NPTN: variants seen among roughly 807,000 people sequenced by gnomAD.
NPTN encodes the protein neuroplastin, also known as SDR-1.
In NPTN, 5 loss-of-function variants were observed where a neutral mutation model predicts 42.7. That is an observed-to-expected ratio of 0.12 (90% CI 0.06 to 0.25). The LOEUF (loss-of-function observed/expected upper bound fraction) is 0.25, where lower values mean the gene tolerates loss of function less well. Ranked by LOEUF, NPTN falls within the 10% of genes least tolerant of loss-of-function variation. NPTN has a pLI of 1.00. For synonymous variants in NPTN, 180 were observed against 201.9 expected, an observed-to-expected ratio of 0.89 and a Z score of 0.92; for missense variants, 307 against 525.4, an observed-to-expected ratio of 0.58 and a Z score of 4.06.
At chr15:73,582,115 A>G (rs979962847) in intron 4 of NPTN, among the ~76,000 whole-genome samples, 2 of 152,234 alleles carry the variant, frequency 1.3e-5, no homozygotes, top group Non-Finnish European at 2.9e-5. Context: ...CTGGGATTAC[A>G]GGCTCAAGAC....
chr15:73,580,232 G>A (rs1266522657), intron 4 of NPTN, among the ~76,000 whole-genome samples: 1 of 151,016 alleles, frequency 6.6e-6, no homozygotes, highest in Non-Finnish European at 1.5e-5. Flanking sequence ...TACAACATGC[G>A]AGGAGGGAGA....
intron 2 of NPTN, among the ~76,000 whole-genome samples, chr15:73,595,901 C>T (rs899771185): frequency 4.6e-5 from 7 of 152,318 alleles, no homozygotes; most frequent in South Asian, 4.2e-4. Flanking sequence ...ATATGTCTCA[C>T]GCATACCTGC....
At chr15:73,577,519 A>G (rs1307696629) in intron 4 of NPTN, among the ~76,000 whole-genome samples, 1 of 152,200 alleles carries the variant, frequency 6.6e-6, no homozygotes, top group Non-Finnish European at 1.5e-5. Context: ...CTTTGGGAGA[A>G]ACTTATAGTT....
intron 8 of NPTN, 37 bp downstream of exon 8, chr15:73,561,859 T>C (rs1894689802): frequency 1.4e-6 from 2 of 1,408,500 alleles, no homozygotes; most frequent in Admixed American, 1.8e-5. Flanking sequence ...TTCATTTGAA[T>C]ATAATTTTTA....
chr15:73,600,808 T>C (rs1369586353), intron 1 of NPTN, among the ~76,000 whole-genome samples: 3 of 152,160 alleles, frequency 2.0e-5, no homozygotes. Context: ...AGAATGGAGA[T>C]AGAGAAGCAC....
chr15:73,568,441 A>C (rs1895165094), intron 6 of NPTN: 1 of 985,478 alleles, frequency 1.0e-6, no homozygotes, highest in South Asian at 4.7e-5. Context: ...GGGGATAAAA[A>C]GGCCCTTTTC....
chr15:73,609,584 C>T (rs942333483), intron 1 of NPTN, among the ~76,000 whole-genome samples: 11 of 152,048 alleles, frequency 7.2e-5, no homozygotes, highest in Non-Finnish European at 1.5e-4. Context: ...TGAGCCGAGA[C>T]GGCGCCATTG....
At chr15:73,575,934 T>G (rs1178562390) in intron 4 of NPTN, among the ~76,000 whole-genome samples, 1 of 152,228 alleles carries the variant, frequency 6.6e-6, no homozygotes, top group Non-Finnish European at 1.5e-5. Flanking sequence ...TATCTTTTTT[T>G]TTCCAGGCAA....
intron 1 of NPTN, among the ~76,000 whole-genome samples, chr15:73,613,671 G>T (rs118050935): frequency 6.6e-6 from 1 of 151,930 alleles, no homozygotes; most frequent in Non-Finnish European, 1.5e-5. Flanking sequence ...GAAGCTACGC[G>T]GTAACAAAAT....
At chr15:73,614,195 C>T (rs1897742281) in intron 1 of NPTN, among the ~76,000 whole-genome samples, 1 of 151,830 alleles carries the variant, frequency 6.6e-6, no homozygotes. Context: ...TGGTCCACAC[C>T]TGTAGTACTA....
At chr15:73,583,240 T>C (rs1023233959) in intron 4 of NPTN, among the ~76,000 whole-genome samples, 2 of 152,146 alleles carry the variant, frequency 1.3e-5, no homozygotes, top group Admixed American at 1.3e-4. Flanking sequence ...AGGACCACGA[T>C]TAGAACACAT....
At chr15:73,607,089 C>T (rs1001126612) in intron 1 of NPTN, among the ~76,000 whole-genome samples, 5 of 152,192 alleles carry the variant, frequency 3.3e-5, no homozygotes, top group African/African-American at 9.7e-5. Flanking sequence ...CACTGACCCC[C>T]ACCTGCCTAT....
intron 4 of NPTN, among the ~76,000 whole-genome samples, chr15:73,581,995 C>T (rs1056504825): frequency 1.3e-5 from 2 of 152,148 alleles, no homozygotes; most frequent in Non-Finnish European, 2.9e-5. Context: ...CCGCCACACT[C>T]GGCTAATTTT....
intron 6 of NPTN, among the ~76,000 whole-genome samples, chr15:73,565,548 T>G (rs753693448): frequency 6.6e-6 from 1 of 152,150 alleles, no homozygotes. Flanking sequence ...CTTACCACCA[T>G]GTTTTAAGGG....
At chr15:73,608,589 T>C (rs888055719) in intron 1 of NPTN, among the ~76,000 whole-genome samples, 1 of 152,160 alleles carries the variant, frequency 6.6e-6, no homozygotes, top group African/African-American at 2.4e-5. Context: ...CCTCACAATA[T>C]AGGGAGAATG....
chr15:73,569,976 A>T lies in NPTN; in HGVS notation c.1114+174T>A, dbSNP rs559053272. Reference sequence around the variant, plus strand: ...AAAAAAATAAAAATAAAATAAAAATAAAAAATAAAAATAAAAAACTCTTAC... The same window carrying T: ...AAAAAAATAAAAATAAAATAAAAATTAAAAATAAAAATAAAAAACTCTTAC... On this transcript the variant is annotated intron_variant, in intron 6 of 8. Transcript: ENST00000345330. This position sits in a 1 kb window ranked among gnomAD's most constrained non-coding sequence, Gnocchi z 4.1. Among the ~76,000 whole-genome samples the T allele has an allele frequency of 2.5e-3, 373 of 151,516 alleles. 1 individual carries two copies. Among genetic ancestry groups the T allele is most frequent in the South Asian group, 0.011 (52 of 4,806 alleles).
intron 1 of NPTN, among the ~76,000 whole-genome samples, chr15:73,610,839 G>C (rs1438474052): frequency 6.6e-6 from 1 of 152,102 alleles, no homozygotes; most frequent in African/African-American, 2.4e-5. Flanking sequence ...TGATACACAG[G>C]CAACTGAACA....
In NPTN at chr15:73,570,783, C is replaced by G. The variant is rs866550849; in HGVS notation, c.841-360G>C. Among the ~76,000 whole-genome samples the G allele has an allele frequency of 1.3e-5, 2 of 152,202 alleles. No individual in the cohort carries two copies. Among genetic ancestry groups the G allele is most frequent in the Non-Finnish European group, 2.9e-5 (2 of 68,028 alleles). ...GAAGGAGGGGTACAACCCCTACAGT[C>G]AGGCATGCCTCGGGGACCTCAGGCC... On this transcript the variant is annotated intron_variant, in intron 5 of 8. Coordinates refer to ENST00000345330, the MANE Select transcript of NPTN (RefSeq NM_012428.4). The surrounding 1 kb of genome is among the most constrained non-coding windows in gnomAD (Gnocchi z 4.0).
chr15:73,579,555 C>T (rs1008340839), intron 4 of NPTN, among the ~76,000 whole-genome samples: 4 of 151,888 alleles, frequency 2.6e-5, no homozygotes, highest in Admixed American at 1.3e-4. Context: ...AAAGTTGAGT[C>T]GGCAGCTGCA....
Sources: gnomAD v4.1 joint callset for allele counts (sites outside exome capture counted in the v4.1 genomes callset) on GRCh38, gnomAD v4.1.1 for gene constraint, Gnocchi (gnomAD v3.1) non-coding constraint, MANE v1.5 for transcripts, NCBI Gene and HGNC (gene_info 2026-07-23, HGNC 2026-07-21) for gene names.